Variants in PRKG1 observed in about 807,000 individuals in gnomAD.
PRKG1 encodes the protein cGMP-dependent protein kinase 1.
Under a neutral mutation model 88.1 loss-of-function variants are expected in PRKG1, and 35 were observed. The ratio of observed to expected loss-of-function variants is 0.40; its 90% CI spans 0.30 to 0.53. PRKG1 has a LOEUF of 0.53. PRKG1 is among the 20% of genes least tolerant of loss of function. PRKG1 has a pLI of 0.59. For missense variants in PRKG1, 540 were observed against 839.8 expected (o/e 0.64, Z 4.41); for synonymous variants, 303 against 292.5 (o/e 1.04, Z -0.37).
intron 4 of PRKG1, among the ~76,000 whole-genome samples, chr10:51,816,768 A>G (rs1466175229): frequency 2.0e-5 from 3 of 152,184 alleles, no homozygotes; most frequent in Non-Finnish European, 4.4e-5. Flanking sequence ...TTTTATAAAT[A>G]CATATAGAGT....
intron 5 of PRKG1, among the ~76,000 whole-genome samples, chr10:51,968,401 G>C (rs559376225): frequency 9.2e-5 from 14 of 152,122 alleles, no homozygotes; most frequent in Non-Finnish European, 1.6e-4. Context: ...TGGGAGGAAT[G>C]GGGGAGAAGA....
chr10:51,276,206 A>C (rs915696586), intron 2 of PRKG1, among the ~76,000 whole-genome samples: 7 of 152,034 alleles, frequency 4.6e-5, no homozygotes, highest in Non-Finnish European at 1.0e-4. Flanking sequence ...TGAGTGAGAA[A>C]ATGCGGTGTT....
At chr10:51,036,264 A>G (rs968956684) in intron 1 of PRKG1, among the ~76,000 whole-genome samples, 3 of 152,136 alleles carry the variant, frequency 2.0e-5, no homozygotes, top group South Asian at 2.1e-4. Context: ...TACCATTTCA[A>G]TCTTAGTTTG....
At chr10:51,796,264 T>C (rs2037813235) in intron 3 of PRKG1, among the ~76,000 whole-genome samples, 2 of 152,112 alleles carry the variant, frequency 1.3e-5, no homozygotes, top group Admixed American at 6.6e-5. Flanking sequence ...GCAATATATA[T>C]AATTTTATAT....
chr10:51,886,834 C>G (rs1415013490), intron 4 of PRKG1, among the ~76,000 whole-genome samples: 1 of 152,156 alleles, frequency 6.6e-6, no homozygotes, highest in African/African-American at 2.4e-5. Context: ...CCACTCAAGT[C>G]ACTCAGTTGG....
At chr10:51,505,829 T>C (rs1387690524) in intron 3 of PRKG1, among the ~76,000 whole-genome samples, 1 of 152,102 alleles carries the variant, frequency 6.6e-6, no homozygotes, top group Non-Finnish European at 1.5e-5. Flanking sequence ...CCCTTTATCA[T>C]TTTTTATTGC....
chr10:51,233,816 C>T (rs1473055243), intron 2 of PRKG1, among the ~76,000 whole-genome samples: 2 of 151,860 alleles, frequency 1.3e-5, no homozygotes, highest in African/African-American at 2.4e-5. Context: ...TGTTAGTATT[C>T]GATTCCACAA....
chr10:51,546,156 G>T (rs1307372856), intron 3 of PRKG1, among the ~76,000 whole-genome samples: 1 of 151,128 alleles, frequency 6.6e-6, no homozygotes, highest in African/African-American at 2.4e-5. Context: ...GTATAATTAT[G>T]CTTATGCAAT....
intron 3 of PRKG1, among the ~76,000 whole-genome samples, chr10:51,798,524 T>C (rs1564651128): frequency 1.3e-5 from 2 of 152,008 alleles, no homozygotes; most frequent in Non-Finnish European, 1.5e-5. Context: ...CTTCATAATA[T>C]TTGTGAAGCT....
At chr10:51,892,439 C>A (rs1841745270) in intron 4 of PRKG1, among the ~76,000 whole-genome samples, 1 of 152,074 alleles carries the variant, frequency 6.6e-6, no homozygotes, top group African/African-American at 2.4e-5. Context: ...CATTTATCTG[C>A]CCATATGTAG....
chr10:52,117,164 CTGTGTGTGTGTG>C (rs71459438), intron 7 of PRKG1, among the ~76,000 whole-genome samples: 3 of 139,200 alleles, frequency 2.2e-5, no homozygotes, highest in Non-Finnish European at 3.1e-5. Context: ...TGTGAAATAT[CTGTGTGTGTGTG>C]TGTGTGTGTG....
chr10:52,248,127 A>G (rs1410133003), intron 9 of PRKG1, among the ~76,000 whole-genome samples: 1 of 152,204 alleles, frequency 6.6e-6, no homozygotes, highest in Non-Finnish European at 1.5e-5. Flanking sequence ...AATGCCTTTG[A>G]GTGGTTTTCC....
At chr10:51,223,290 A>G (rs1263208182) in intron 2 of PRKG1, among the ~76,000 whole-genome samples, 1 of 152,178 alleles carries the variant, frequency 6.6e-6, no homozygotes, top group Non-Finnish European at 1.5e-5. Flanking sequence ...AAAAAAGTTC[A>G]AAATTATTAT....
At chr10:52,112,605 A>G (rs1847589939) in intron 7 of PRKG1, among the ~76,000 whole-genome samples, 1 of 152,154 alleles carries the variant, frequency 6.6e-6, no homozygotes, top group Non-Finnish European at 1.5e-5. Context: ...TTCTTGTTCC[A>G]GACCTGTTTT....
chr10:51,353,311 T>C (rs1374339808), intron 2 of PRKG1, among the ~76,000 whole-genome samples: 1 of 151,790 alleles, frequency 6.6e-6, no homozygotes, highest in Non-Finnish European at 1.5e-5. Flanking sequence ...TCACATCAAG[T>C]TAAAAAGCTT....
Position 51,061,060 on chromosome 10 carries a change from G to A in PRKG1, c.266+69416G>A, listed in dbSNP as rs540456264. On this transcript the variant is annotated intron_variant, in intron 1 of 17. Transcript: ENST00000401604. ...ACAGTTTTACTGTGTTATACCTAGGGGTGTGTGTGTGTGTGTGTGTGTGTC... is the reference window on the plus strand; with the variant it reads ...ACAGTTTTACTGTGTTATACCTAGGAGTGTGTGTGTGTGTGTGTGTGTGTC... Among the ~76,000 whole-genome samples the A allele has an allele frequency of 6.8e-5, 10 of 147,162 alleles. No homozygotes were observed. In the East Asian group the frequency reaches 1.8e-3, roughly 26 times the overall value.
At chr10:52,280,014 A>C (rs556766268) in intron 12 of PRKG1, among the ~76,000 whole-genome samples, 2 of 152,146 alleles carry the variant, frequency 1.3e-5, no homozygotes, top group South Asian at 4.1e-4. Flanking sequence ...TCAATCAATC[A>C]ATCAACATAT....
At chr10:52,001,564 T>A (rs1844600528) in intron 5 of PRKG1, among the ~76,000 whole-genome samples, 1 of 152,016 alleles carries the variant, frequency 6.6e-6, no homozygotes, top group African/African-American at 2.4e-5. Context: ...GGGATTTTTT[T>A]TCCTTCAGTC....
intron 3 of PRKG1, among the ~76,000 whole-genome samples, chr10:51,648,032 TTACACA>T (rs1490645168): frequency 3.8e-5 from 2 of 52,044 alleles, no homozygotes; most frequent in Non-Finnish European, 5.7e-5. Context: ...CATTTTCTGG[TTACACA>T]TACACACACA....
Sources: gnomAD v4.1 joint callset for allele counts (sites outside exome capture counted in the v4.1 genomes callset) on GRCh38, gnomAD v4.1.1 for gene constraint, MANE v1.5 for transcripts, NCBI Gene and HGNC (gene_info 2026-07-23, HGNC 2026-07-21) for gene names.